LYPD4: variants seen among roughly 807,000 people sequenced by gnomAD.
LYPD4 encodes LY6/PLAUR domain containing 4.
In LYPD4, 20 loss-of-function variants were observed where a neutral mutation model predicts 18.2. The observed-to-expected ratio is 1.10, with a 90% CI of 0.77 to 1.59. LYPD4 has a LOEUF of 1.59. LYPD4 is among the 40% of genes most tolerant of loss of function. LYPD4 has a pLI of 0.00. For synonymous variants in LYPD4, 111 were observed against 118.3 expected, an observed-to-expected ratio of 0.94 and a Z score of 0.40; for missense variants, 278 against 300.3, an observed-to-expected ratio of 0.93 and a Z score of 0.55.
chr19:41,837,051 C>T (rs781948366), downstream of LYPD4: 2 of 1,576,668 alleles, frequency 1.3e-6, no homozygotes, highest in South Asian at 1.2e-5. Flanking sequence ...CCCCTGCTCT[C>T]TCATGGACCA....
At chr19:41,837,890 T>A (rs782075733) in intron 4 of LYPD4, 45 bp downstream of exon 4, 11 of 1,535,594 alleles carry the variant, frequency 7.2e-6, no homozygotes. Context: ...GGACAATGCC[T>A]GGCAGAGAGT....
At chr19:41,842,210 G>A (rs1469262781) in intron 1 of LYPD4, among the ~76,000 whole-genome samples, 1 of 151,976 alleles carries the variant, frequency 6.6e-6, no homozygotes, top group African/African-American at 2.4e-5. Context: ...ACCCAGCTTT[G>A]TAGAGATGGA....
chr19:41,842,764 CAAAAAAAAAAAAAAAAAAAA>C (rs782233081), intron 1 of LYPD4, among the ~76,000 whole-genome samples: 1 of 49,766 alleles, frequency 2.0e-5, no homozygotes, highest in Non-Finnish European at 3.2e-5. Flanking sequence ...TCCGTCTAAA[CAAAAAAAAAAAAAAAAAAAA>C]AAAAAAAAAA....
At chr19:41,838,747 A>AT (rs2073465533) in intron 3 of LYPD4, 134 bp downstream of exon 3, 24 of 455,482 alleles carry the variant, frequency 5.3e-5, no homozygotes, top group Admixed American at 4.7e-4. Context: ...AAATTAAAAA[A>AT]AATATATATA....
chr19:41,838,326 C>T lies in LYPD4; in HGVS notation c.212-65G>A, dbSNP rs1278896657. On this transcript the variant is annotated intron_variant, in intron 3 of 4. Transcript: ENST00000609812. ...CTGGCCTCACCCAGAGTCCTCCCTC[C>T]CCCCAGCTCTTTCTGCACCCACCCT... 3.6e-6 allele frequency: 5 copies of T among 1,370,706 alleles called. No homozygotes were observed. The South Asian group carries it at 4.9e-5, about 13-fold the overall frequency. 84.9% of individuals were successfully genotyped at this position (1,370,706 alleles called of 1,614,324 possible).
chr19:41,841,004 C>A (rs2058405012), intron 1 of LYPD4, among the ~76,000 whole-genome samples: 2 of 152,134 alleles, frequency 1.3e-5, no homozygotes, highest in Non-Finnish European at 1.5e-5. Context: ...CAAAGCAATT[C>A]TCTCCTACCC....
intron 1 of LYPD4, 109 bp from the exon 2 acceptor site, chr19:41,839,514 C>G: frequency 1.8e-6 from 1 of 561,266 alleles, no homozygotes; most frequent in East Asian, 3.0e-5. Context: ...TAACCTGCAC[C>G]ATCCACCATC....
chr19:41,835,934 A>G (rs2073365448), downstream of LYPD4: 10 of 597,806 alleles, frequency 1.7e-5, no homozygotes, highest in Non-Finnish European at 2.1e-5. Flanking sequence ...GGTAATGCAC[A>G]GAAAATGCCT....
intron 1 of LYPD4, among the ~76,000 whole-genome samples, chr19:41,843,050 A>C (rs55837631): frequency 6.5e-5 from 3 of 45,990 alleles, no homozygotes; most frequent in East Asian, 4.0e-4. Flanking sequence ...AAAAAAAAAA[A>C]AAAAAAAAAA....
Position 41,838,165 on chromosome 19 carries a change from A to G in LYPD4, c.308T>C (p.Ile103Thr). The part of the protein sequence containing the change: ...SYLVSPPGVS[I>T]ASYSRVCRSY... ...CCGGCAGACGCGACTGTAGGAGGCA[A>G]TGGACACTCCGGGTGGGGAAACAAG... The change falls in exon 4 of 5, where the codon ATT becomes ACT. Residue 103 changes from isoleucine (I) to threonine (T), a missense_variant. Coordinates refer to ENST00000609812, the MANE Select transcript of LYPD4 (RefSeq NM_173506.7). The G allele has an allele frequency of 1.2e-6, 2 of 1,609,488 alleles. No individual in the cohort carries two copies. The highest frequency in any genetic ancestry group is 8.5e-7 in the Non-Finnish European group (1 of 1,176,642).
Position 41,838,925 on chromosome 19 carries a change from T to C in LYPD4, c.167A>G (p.Lys56Arg), listed in dbSNP as rs782139533. 1 of 1,613,974 alleles carries C rather than the reference T, an allele frequency of 6.2e-7. No homozygotes were observed. Among genetic ancestry groups the C allele is most frequent in the Non-Finnish European group, 8.5e-7 (1 of 1,180,004 alleles). ...KWLLMRNMVC[K>R]LQEGCEETLV... ...CGTCTCCTCGCAGCCCTCTTGCAGCTTACACACCATGTTCCTCATCAGAAG... is the reference window on the plus strand; with the variant it reads ...CGTCTCCTCGCAGCCCTCTTGCAGCCTACACACCATGTTCCTCATCAGAAG... Residue 56 changes from lysine to arginine, a missense_variant, in exon 3 of 5, where the codon AAG (lysine) becomes AGG (arginine). By Grantham distance (26) the Lys-to-Arg change is conservative. Coordinates refer to ENST00000609812, the MANE Select transcript of LYPD4 (RefSeq NM_173506.7).
chr19:41,839,114 C>A lies in LYPD4; in HGVS notation c.68-90G>T. The A allele has an allele frequency of 3.1e-6, 5 of 1,611,820 alleles. No individual in the cohort carries two copies. The East Asian group carries it at 6.7e-5, about 22-fold the overall frequency. ...AACCAAGAGTTCAGCCCCCACAGGTCCTGTCCCCAGCGAAACCTAGATACC... is the reference window on the plus strand; with the variant it reads ...AACCAAGAGTTCAGCCCCCACAGGTACTGTCCCCAGCGAAACCTAGATACC... On this transcript the variant is annotated intron_variant, in intron 2 of 4. Coordinates refer to ENST00000609812, the MANE Select transcript of LYPD4 (RefSeq NM_173506.7).
At chr19:41,842,391 G>A (rs2073623155) in intron 1 of LYPD4, among the ~76,000 whole-genome samples, 1 of 152,134 alleles carries the variant, frequency 6.6e-6, no homozygotes, top group Admixed American at 6.6e-5. Context: ...CTGAGACCAA[G>A]TGAATGCAAA....
chr19:41,835,202 A>G (rs1227111314), downstream of LYPD4: 3 of 152,178 alleles, frequency 2.0e-5, no homozygotes, highest in African/African-American at 7.2e-5. Flanking sequence ...AAAGGAGTGG[A>G]TGGGGAAAAG....
chr19:41,839,485 C>T, intron 1 of LYPD4, 80 bp from the exon 2 acceptor site: 1 of 601,348 alleles, frequency 1.7e-6, no homozygotes, highest in East Asian at 2.8e-5. Flanking sequence ...TTCCCATCTC[C>T]ACTGTCTGCC....
intron 3 of LYPD4, among the ~76,000 whole-genome samples, 160 bp downstream of exon 3, chr19:41,838,721 C>T (rs2073463029): frequency 4.6e-5 from 7 of 151,560 alleles, no homozygotes; most frequent in Admixed American, 4.6e-4. Context: ...ATAGTAAGAA[C>T]TCCCCATCTC....
chr19:41,837,905 A>G (rs782722207), intron 4 of LYPD4, 30 bp downstream of exon 4: 8 of 1,564,736 alleles, frequency 5.1e-6, no homozygotes, highest in Admixed American at 1.8e-5. Flanking sequence ...GAGAGTAGGC[A>G]TTTGATAAAC....
intron 1 of LYPD4, among the ~76,000 whole-genome samples, chr19:41,840,614 C>T (rs1397695735): frequency 2.6e-5 from 4 of 151,848 alleles, no homozygotes; most frequent in Admixed American, 1.3e-4. Flanking sequence ...AGGCAGATCA[C>T]GAGGTCAGGA....
At chr19:41,842,119 T>C (rs540787768) in intron 1 of LYPD4, among the ~76,000 whole-genome samples, 51 of 152,244 alleles carry the variant, frequency 3.3e-4, no homozygotes, top group Middle Eastern at 3.4e-3. Context: ...CTGTGCTCAC[T>C]GCAGCCCCCA....
Sources: gnomAD v4.1 joint callset for allele counts (sites outside exome capture counted in the v4.1 genomes callset) on GRCh38, gnomAD v4.1.1 for gene constraint, MANE v1.5 for transcripts, NCBI Gene and HGNC (gene_info 2026-07-23, HGNC 2026-07-21) for gene names.